Variants in SPTBN5 observed in about 807,000 individuals in gnomAD.
SPTBN5 encodes the protein spectrin beta, non-erythrocytic 5.
A neutral mutation model predicts 477.6 loss-of-function variants in SPTBN5; 513 were observed. The observed-to-expected ratio is 1.07, with a 90% CI of 1.00 to 1.16. SPTBN5 has a LOEUF of 1.16. Among genes scored for constraint, SPTBN5 ranks in the 50% most tolerant of loss-of-function variants. The pLI is 0.00. For synonymous variants in SPTBN5, 2,169 were observed against 2,011.7 expected, an observed-to-expected ratio of 1.08 and a Z score of -2.09; for missense variants, 5,062 against 4,731.8, an observed-to-expected ratio of 1.07 and a Z score of -2.05.
Position 41,855,253 on chromosome 15 carries a change from C to T in SPTBN5, c.9394G>A (p.Asp3132Asn). 6.2e-7 allele frequency: 1 copy of T among 1,612,492 alleles called. No homozygotes were observed. Among genetic ancestry groups the T allele is most frequent in the Non-Finnish European group, 8.5e-7 (1 of 1,179,620 alleles). The change falls in exon 55 of 68, where the codon GAC (aspartate) becomes AAC (asparagine). Residue 3132 changes from aspartate (D) to asparagine (N), a missense_variant. Transcript: ENST00000320955. ...TTKAATAESQ[D>N]YGQDLEGVKV... ...ACACCCTCCAGGTCCTGCCCGTAGT[C>T]CTGGGACTCGGCGGTGGCCGCCTTG...
Position 41,870,232 on chromosome 15 carries a change from G to A in SPTBN5, c.5673+11C>T. 1.3e-6 allele frequency: 2 copies of A among 1,546,092 alleles called. No homozygotes were observed. Among genetic ancestry groups the A allele is most frequent in the Non-Finnish European group, 8.7e-7 (1 of 1,145,278 alleles). On this transcript the variant is annotated intron_variant, in intron 31 of 67. Coordinates refer to ENST00000320955, the MANE Select transcript of SPTBN5 (RefSeq NM_016642.4). ...GGGGCCTGGGTCGGAGAGGCAGCCA[G>A]CTGGGCTCACCTGCCGCTCGGTGCC...
intron 32 of SPTBN5, 23 bp from the exon 33 acceptor site, chr15:41,868,624 A>C (rs759176302): frequency 6.3e-7 from 1 of 1,593,000 alleles, no homozygotes. Context: ...ACACGGAGGG[A>C]GAGCCGGGTG....
chr15:41,852,859 A>T lies in SPTBN5; in HGVS notation c.10312T>A (p.Cys3438Ser), dbSNP rs1445415270. 9.3e-6 allele frequency: 15 copies of T among 1,607,326 alleles called. No homozygotes were observed. The highest frequency in any genetic ancestry group is 1.3e-5 in the Non-Finnish European group (15 of 1,176,100). ...RLEQAEAWLA[C>S]WEGLLLKPDY... ...GGCTTCAGCAGGAGTCCCTCCCAGC[A>T]GGCCAGCCAGGCCTCAGCCTGCTCC... Residue 3438 changes from cysteine to serine, a missense_variant, in exon 60 of 68, where the codon TGC (cysteine) becomes AGC (serine). Cys to Ser is a moderately radical substitution (Grantham distance 112, BLOSUM62 -1). Coordinates refer to ENST00000320955, the MANE Select transcript of SPTBN5 (RefSeq NM_016642.4).
At chr15:41,856,742 C>T in intron 52 of SPTBN5, 111 bp downstream of exon 52, 3 of 1,355,812 alleles carry the variant, frequency 2.2e-6, no homozygotes, top group Non-Finnish European at 3.0e-6. Flanking sequence ...CAGGGCATCC[C>T]AAAAGCCCCC....
intron 31 of SPTBN5, 29 bp downstream of exon 31, chr15:41,870,214 G>C: frequency 6.5e-7 from 1 of 1,539,948 alleles, no homozygotes; most frequent in Non-Finnish European, 8.8e-7. Context: ...GCAGGGGCCT[G>C]GGTCGGAGAG....
chr15:41,863,114 C>G (rs1257518146), intron 41 of SPTBN5, among the ~76,000 whole-genome samples: 2 of 152,232 alleles, frequency 1.3e-5, no homozygotes, highest in African/African-American at 4.8e-5. Context: ...AGGGAAGAAC[C>G]TCACGTGTGT....
intron 36 of SPTBN5, 78 bp downstream of exon 36, chr15:41,866,881 G>A: frequency 6.9e-7 from 1 of 1,458,714 alleles, no homozygotes; most frequent in Non-Finnish European, 9.1e-7. Flanking sequence ...CCGCCTCACA[G>A]TGTTGCGGTG....
At position 41,882,604 on chromosome 15, in the gene SPTBN5, C is replaced by T; in HGVS notation, c.2027G>A (p.Gly676Asp). 6.2e-7 allele frequency: 1 copy of T among 1,603,940 alleles called. No individual in the cohort carries two copies. The highest frequency in any genetic ancestry group is 8.5e-7 in the Non-Finnish European group (1 of 1,176,504). ...ALGRDLSQIAGALQKHKALEA... is the reference protein window; with the variant it reads ...ALGRDLSQIADALQKHKALEA... The stretch of plus-strand genomic sequence containing the variant: ...TGACACCTTGTGTTTCTGCAGGGCG[C>T]CTGCGATCTGGCTGAGATCCCGGCC... The change falls in exon 10 of 68, where the codon GGC (glycine) becomes GAC (aspartate). Residue 676 changes from glycine to aspartate, a missense_variant. Coordinates refer to ENST00000320955, the MANE Select transcript of SPTBN5 (RefSeq NM_016642.4).
At position 41,868,061 on chromosome 15, in the gene SPTBN5, G is replaced by A; in HGVS notation, c.6207+8C>T. The A allele has an allele frequency of 1.9e-6, 3 of 1,596,862 alleles. No individual in the cohort carries two copies. The highest frequency in any genetic ancestry group is 1.7e-6 in the Non-Finnish European group (2 of 1,175,856). The stretch of plus-strand genomic sequence containing the variant: ...CTGAGCGGAGTGTGAGGGCGGGAGG[G>A]GACCTGCCTCCTGGGCCGCGAGGAT... On this transcript the variant is annotated splice_region_variant and intron_variant, in intron 34 of 67. Transcript: ENST00000320955.
intron 8 of SPTBN5, 29 bp downstream of exon 8, chr15:41,883,319 T>G (rs746381663): frequency 6.2e-7 from 1 of 1,610,984 alleles, no homozygotes; most frequent in Non-Finnish European, 8.5e-7. Context: ...TTGCTGTGTT[T>G]CCCAAGGGCC....
chr15:41,855,829 C>T (rs773894328), intron 53 of SPTBN5, 84 bp from the exon 54 acceptor site: 1 of 1,378,668 alleles, frequency 7.3e-7, no homozygotes, highest in Non-Finnish European at 9.6e-7. Flanking sequence ...AGCCTGGCTG[C>T]ACAGGGGAAT....
rs773746615 is a variant in SPTBN5 at position 41,886,260 on chromosome 15, C to G, written c.995G>C (p.Arg332Pro). ...IAEKQMQLEA[R>P]DFPDSLPAMR... ...GGCGGGCAGCGAGTCTGGAAAATCCCGCGCCTCCAGCTGCATCTGCTTCTC... is the reference window on the plus strand; with the variant it reads ...GGCGGGCAGCGAGTCTGGAAAATCCGGCGCCTCCAGCTGCATCTGCTTCTC... The change falls in exon 7 of 68, where the codon CGG becomes CCG. Residue 332 changes from arginine (R) to proline (P), a missense_variant. Physicochemically the swap from Arg to Pro is moderately radical, Grantham distance 103. Coordinates refer to ENST00000320955, the MANE Select transcript of SPTBN5 (RefSeq NM_016642.4). 1.2e-6 allele frequency: 2 copies of G among 1,613,230 alleles called. No individual in the cohort carries two copies. The highest frequency in any genetic ancestry group is 1.7e-6 in the Non-Finnish European group (2 of 1,179,888).
In SPTBN5 at chr15:41,848,309, C is replaced by T; in HGVS notation, c.*307G>A. ...GCGTCTACCTGTGCTCAGAGTCACC[C>T]CTTCCAAGCAAGGAGGAGGCCACAT... On this transcript the variant is annotated 3_prime_UTR_variant, in exon 68 of 68. Coordinates refer to ENST00000320955, the MANE Select transcript of SPTBN5 (RefSeq NM_016642.4). 1 of 535,756 alleles carries T rather than the reference C, an allele frequency of 1.9e-6. No homozygotes were observed. The highest frequency in any genetic ancestry group is 2.1e-5 in the South Asian group (1 of 47,532). 33.2% of individuals were successfully genotyped at this position (535,756 alleles called of 1,614,324 possible).
rs764995106 is a variant in SPTBN5, at chr15:41,886,296, C to A, written c.959G>T (p.Arg320Leu). ...QYEQLVADLL[R>L]WIAEKQMQLE... is the part of the protein sequence containing the mutation. ...CTGCATCTGCTTCTCTGCAATCCAG[C>A]GTAGAAGGTCAGCCACCAGCTGCTC... is the stretch of plus-strand genomic sequence containing the variant. Residue 320 changes from arginine (R) to leucine (L), a missense_variant, in exon 7 of 68, where the codon CGC (arginine) becomes CTC (leucine). Transcript: ENST00000320955. 3.1e-6 allele frequency: 5 copies of A among 1,613,240 alleles called. No homozygotes were observed. The highest frequency in any genetic ancestry group is 1.1e-5 in the South Asian group (1 of 91,084).
chr15:41,889,959 C>T (rs2067259020), intron 4 of SPTBN5, 130 bp downstream of exon 4: 1 of 634,766 alleles, frequency 1.6e-6, no homozygotes, highest in Admixed American at 2.5e-5. Context: ...TGAATATGGA[C>T]TTTGCAGTTT....
rs1430822127 is a variant in SPTBN5 at position 41,855,534 on chromosome 15, G to A, written c.9218+15C>T. On this transcript the variant is annotated intron_variant, in intron 54 of 67. Coordinates refer to ENST00000320955, the MANE Select transcript of SPTBN5 (RefSeq NM_016642.4). ...TTCTCTCTGCTCCTTCGCGGATGGT[G>A]TGGCTTCCGCCCACCTTTCTGGGTT... is the stretch of plus-strand genomic sequence containing the variant. 6.2e-7 allele frequency: 1 copy of A among 1,605,762 alleles called. No homozygotes were observed. Among genetic ancestry groups the A allele is most frequent in the Non-Finnish European group, 8.5e-7 (1 of 1,174,908 alleles).
At position 41,882,468 on chromosome 15, in the gene SPTBN5, G is replaced by A. The variant is rs772988991; in HGVS notation, c.2048C>T (p.Ala683Val). 5.1e-6 allele frequency: 8 copies of A among 1,555,024 alleles called. No individual in the cohort carries two copies. The highest frequency in any genetic ancestry group is 1.7e-4 in the Middle Eastern group (1 of 6,032). The change falls in exon 11 of 68, where the codon GCC becomes GTC. Residue 683 changes from alanine to valine, a missense_variant and splice_region_variant. Transcript: ENST00000320955. ...GTGGCGGTGGACCTCAGCTTCCAGG[G>A]CCTAGCGGGGGGCAGAGCAGGGGGC... ...QIAGALQKHK[A>V]LEAEVHRHQA...
chr15:41,853,893 C>T, intron 57 of SPTBN5, 106 bp from the exon 58 acceptor site: 1 of 1,429,080 alleles, frequency 7.0e-7, no homozygotes, highest in Non-Finnish European at 9.3e-7. Context: ...CACTCTGCTG[C>T]ACAAGCTGGG....
chr15:41,879,581 C>T, intron 15 of SPTBN5, 82 bp from the exon 16 acceptor site: 2 of 1,526,086 alleles, frequency 1.3e-6, no homozygotes, highest in East Asian at 2.4e-5. Context: ...CCTCACGTGA[C>T]AGAAGCTGCC....
Sources: allele counts gnomAD v4.1 joint callset (sites outside exome capture counted in the v4.1 genomes callset), GRCh38; gene constraint gnomAD v4.1.1; transcripts MANE v1.5; gene names NCBI Gene and HGNC (gene_info 2026-07-23, HGNC 2026-07-21).